Variants in STPG4 observed in about 807,000 individuals in gnomAD.
The protein encoded by STPG4 is protein STPG4.
STPG4 carries 41 observed loss-of-function variants against 31.5 expected under a neutral mutation model. The observed-to-expected ratio is 1.30, with a 90% CI of 1.01 to 1.69. The LOEUF is 1.69. Among genes scored for constraint, STPG4 ranks in the 40% most tolerant of loss-of-function variants. The probability of loss-of-function intolerance (pLI) is 0.00; values close to 1 mark genes in which losing one functional copy is unlikely to be tolerated. For synonymous variants in STPG4, 141 were observed against 103.0 expected, an observed-to-expected ratio of 1.37 and a Z score of -2.24; for missense variants, 375 against 293.4, an observed-to-expected ratio of 1.28 and a Z score of -2.03.
At chr2:47,106,681 C>T (rs145113535) in intron 5 of STPG4, among the ~76,000 whole-genome samples, 21 of 151,924 alleles carry the variant, frequency 1.4e-4, no homozygotes, top group Non-Finnish European at 2.1e-4. Context: ...AGATACCGCC[C>T]GGCGTTTACA....
rs184102866 is a variant in STPG4, at chr2:47,143,587, G to A, written c.399+7671C>T. Among the ~76,000 whole-genome samples, 1,184 of 151,498 alleles carry A rather than the reference G, an allele frequency of 7.8e-3. 18 individuals carry two copies. Among genetic ancestry groups the A allele is most frequent in the African/African-American group, 0.027 (1,110 of 41,282 alleles). ...TGCAAGCTCCGCCTCCTGGGTTCAC[G>A]CCATTCTCCTGCCTCAGCCTCCCGA... On this transcript the variant is annotated intron_variant, in intron 3 of 6. Transcript: ENST00000445927.
intron 6 of STPG4, among the ~76,000 whole-genome samples, chr2:47,089,649 G>C (rs940445057): frequency 2.9e-5 from 4 of 137,710 alleles, no homozygotes; most frequent in Non-Finnish European, 6.5e-5. Flanking sequence ...ACTGTCTTTT[G>C]ACATTAAAAA....
chr2:47,105,498 T>C (rs1261529255), intron 5 of STPG4, among the ~76,000 whole-genome samples: 1 of 152,032 alleles, frequency 6.6e-6, no homozygotes, highest in Non-Finnish European at 1.5e-5. Context: ...CCCTCAACCC[T>C]GCCACTTTTC....
chr2:47,138,518 A>G (rs1686643230), intron 3 of STPG4, among the ~76,000 whole-genome samples: 1 of 151,782 alleles, frequency 6.6e-6, no homozygotes, highest in Non-Finnish European at 1.5e-5. Context: ...CAGCCTCCCA[A>G]GTAGCTGGAA....
chr2:47,130,315 C>T (rs1686451780), intron 3 of STPG4, 55 bp from the exon 4 acceptor site: 21 of 1,374,460 alleles, frequency 1.5e-5, no homozygotes, highest in East Asian at 2.3e-5. Flanking sequence ...AAACTCACTT[C>T]GTTATCTGTC....
chr2:47,139,489 C>A (rs1368558192), intron 3 of STPG4, among the ~76,000 whole-genome samples: 1 of 150,426 alleles, frequency 6.6e-6, no homozygotes, highest in Non-Finnish European at 1.5e-5. Flanking sequence ...CACCTTAGTT[C>A]ATTCTTCTAA....
chr2:47,133,332 A>AT (rs750554718), intron 3 of STPG4, among the ~76,000 whole-genome samples: 7 of 151,632 alleles, frequency 4.6e-5, no homozygotes, highest in Non-Finnish European at 1.0e-4. Flanking sequence ...ACACCTAGCT[A>AT]TTTTTTAAAA....
intron 5 of STPG4, among the ~76,000 whole-genome samples, chr2:47,095,513 G>A (rs1217007542): frequency 4.6e-5 from 7 of 152,180 alleles, no homozygotes; most frequent in Non-Finnish European, 2.9e-5. Context: ...CTCCAGAACT[G>A]TGAGACAACA....
At chr2:47,103,165 G>A (rs1432744035) in intron 5 of STPG4, among the ~76,000 whole-genome samples, 1 of 151,862 alleles carries the variant, frequency 6.6e-6, no homozygotes, top group Non-Finnish European at 1.5e-5. Context: ...AACATCTGTT[G>A]ACCTGTGTTC....
chr2:47,133,568 A>ATTTTTTTTT (rs1347133934), intron 3 of STPG4, among the ~76,000 whole-genome samples: 35 of 36,296 alleles, frequency 9.6e-4, no homozygotes, highest in Non-Finnish European at 1.9e-3. Context: ...AGGCACTCAA[A>ATTTTTTTTT]TCTTTTTTTT....
At chr2:47,113,893 G>A (rs1686090694) in intron 5 of STPG4, among the ~76,000 whole-genome samples, 1 of 152,022 alleles carries the variant, frequency 6.6e-6, no homozygotes, top group South Asian at 2.1e-4. Flanking sequence ...AATTAGCCAG[G>A]TGTGGTGGCG....
chr2:47,150,524 A>C (rs1686913573), intron 3 of STPG4, among the ~76,000 whole-genome samples: 1 of 151,918 alleles, frequency 6.6e-6, no homozygotes, highest in Non-Finnish European at 1.5e-5. Context: ...AATTAAAAAA[A>C]ATATTTTTAG....
At chr2:47,095,578 C>T (rs1573147438) in intron 5 of STPG4, among the ~76,000 whole-genome samples, 1 of 152,294 alleles carries the variant, frequency 6.6e-6, no homozygotes, top group East Asian at 1.9e-4. Flanking sequence ...TTTGTTATGG[C>T]AGCCCTAGCA....
chr2:47,142,709 A>ATATG (rs1400505668), intron 3 of STPG4, among the ~76,000 whole-genome samples: 16 of 152,076 alleles, frequency 1.1e-4, no homozygotes, highest in African/African-American at 3.6e-4. Flanking sequence ...AACATCACAT[A>ATATG]TATGTACATT....
intron 3 of STPG4, among the ~76,000 whole-genome samples, chr2:47,134,041 C>A (rs1334138917): frequency 2.0e-5 from 3 of 152,048 alleles, no homozygotes; most frequent in Non-Finnish European, 4.4e-5. Context: ...TATACACATA[C>A]ATATACATAT....
At chr2:47,098,193 G>C (rs1880582) in intron 5 of STPG4, among the ~76,000 whole-genome samples, 152,294 of 152,336 alleles carry the variant, frequency 1, 76,126 homozygotes, top group Middle Eastern at 1. Flanking sequence ...CTCCTCTCTA[G>C]CCTGACCCAA....
At chr2:47,115,651 G>C (rs1025161733) in intron 5 of STPG4, among the ~76,000 whole-genome samples, 2 of 90,406 alleles carry the variant, frequency 2.2e-5, no homozygotes, top group African/African-American at 7.1e-5. Context: ...CACATTAAAG[G>C]CTTTTTTTTT....
chr2:47,106,068 A>T (rs1358902608), intron 5 of STPG4, among the ~76,000 whole-genome samples: 2 of 151,964 alleles, frequency 1.3e-5, no homozygotes, highest in Non-Finnish European at 2.9e-5. Context: ...AAAGAGAAAG[A>T]AAGAGAGGAA....
chr2:47,122,671 TG>T (rs569029654), intron 5 of STPG4, among the ~76,000 whole-genome samples: 568 of 119,916 alleles, frequency 4.7e-3, no homozygotes, highest in Middle Eastern at 0.024. Context: ...TTCTGAGCTC[TG>T]TTCAGTTTTC....
Sources: gnomAD v4.1 joint callset for allele counts (sites outside exome capture counted in the v4.1 genomes callset) on GRCh38, gnomAD v4.1.1 for gene constraint, MANE v1.5 for transcripts, NCBI Gene and HGNC (gene_info 2026-07-23, HGNC 2026-07-21) for gene names.